RALGPS2: variants seen among roughly 807,000 people sequenced by gnomAD.
RALGPS2 encodes the protein ras-specific guanine nucleotide-releasing factor RalGPS2.
In RALGPS2, 43 loss-of-function variants were observed where a neutral mutation model predicts 86.8. The observed-to-expected ratio is 0.50, with a 90% confidence interval of 0.39 to 0.64. The LOEUF is 0.64. RALGPS2 is among the 30% of genes least tolerant of loss of function. The pLI, the probability that RALGPS2 is intolerant of heterozygous loss-of-function variation, is 0.00. For missense variants in RALGPS2, 536 were observed against 694.6 expected (o/e 0.77, Z 2.57); for synonymous variants, 243 against 231.3 (o/e 1.05, Z -0.46).
rs915706792 is a variant in RALGPS2, at chr1:178,920,628, C to T, written c.*4269C>T. ...GTAGGAGATTAAAAATAAACCCACC[C>T]CAGTCAACCTTTAGATAAGCACTCT... is the stretch of plus-strand genomic sequence containing the variant. On this transcript the variant is annotated 3_prime_UTR_variant, in exon 20 of 20. Coordinates refer to ENST00000367635, the MANE Select transcript of RALGPS2 (RefSeq NM_152663.5). 1 of 151,942 alleles carries T rather than the reference C, an allele frequency of 6.6e-6. No homozygotes were observed. Among genetic ancestry groups the T allele is most frequent in the Non-Finnish European group, 1.5e-5 (1 of 67,912 alleles). 9.4% of individuals were successfully genotyped at this position (151,942 alleles called of 1,614,324 possible).
At chr1:178,764,957 G>A (rs1652423021) in intron 1 of RALGPS2, among the ~76,000 whole-genome samples, 1 of 151,930 alleles carries the variant, frequency 6.6e-6, no homozygotes, top group Non-Finnish European at 1.5e-5. Context: ...TCTGGTTGTT[G>A]GACAGTGTGT....
chr1:178,785,911 G>C (rs189909106), intron 4 of RALGPS2, among the ~76,000 whole-genome samples: 37 of 152,114 alleles, frequency 2.4e-4, no homozygotes, highest in Admixed American at 1.5e-3. Context: ...CAAATAGCCT[G>C]ATGTTGACCA....
intron 8 of RALGPS2, among the ~76,000 whole-genome samples, chr1:178,867,084 A>G (rs867559510): frequency 2.6e-5 from 4 of 152,110 alleles, no homozygotes; most frequent in Admixed American, 6.6e-5. Flanking sequence ...TTTCTGTCCA[A>G]ATTTCCACAT....
intron 19 of RALGPS2, among the ~76,000 whole-genome samples, chr1:178,915,259 G>T (rs770935302): frequency 2.0e-5 from 3 of 152,040 alleles, no homozygotes; most frequent in South Asian, 2.1e-4. Flanking sequence ...TTGAGACAGG[G>T]TTTCACTCTT....
At chr1:178,772,177 G>T (rs1652842269) in intron 1 of RALGPS2, among the ~76,000 whole-genome samples, 1 of 152,138 alleles carries the variant, frequency 6.6e-6, no homozygotes, top group Non-Finnish European at 1.5e-5. Context: ...ACCTATTTCT[G>T]ATTCACTTGG....
chr1:178,918,308 A>T lies in RALGPS2; in HGVS notation c.*1949A>T, dbSNP rs922412365. The T allele has an allele frequency of 6.6e-6, 1 of 152,056 alleles. No individual in the cohort carries two copies. The highest frequency in any genetic ancestry group is 1.5e-5 in the Non-Finnish European group (1 of 67,978). The allele number at this position is 152,056 out of a possible 1,614,324, so 9.4% of individuals were successfully genotyped here. A position where few individuals can be genotyped will look rare whatever the true frequency, so the allele number is the denominator to read the frequency against. On this transcript the variant is annotated 3_prime_UTR_variant, in exon 20 of 20. Coordinates refer to ENST00000367635, the MANE Select transcript of RALGPS2 (RefSeq NM_152663.5). ...TGTTTTGCATTTTTAAAAATTTCTTAATTTGTTTATTTCTCTTCAGAAATA... is the reference window on the plus strand; with the variant it reads ...TGTTTTGCATTTTTAAAAATTTCTTTATTTGTTTATTTCTCTTCAGAAATA...
chr1:178,873,337 AT>A (rs1261667211), intron 8 of RALGPS2, among the ~76,000 whole-genome samples: 1 of 152,212 alleles, frequency 6.6e-6, no homozygotes, highest in Admixed American at 6.5e-5. Context: ...GAACAGAAAC[AT>A]TTATTACATA....
At chr1:178,747,783 A>C (rs1160244179) in intron 1 of RALGPS2, 36 of 775,946 alleles carry the variant, frequency 4.6e-5, no homozygotes, top group Non-Finnish European at 7.8e-5. Flanking sequence ...GTGCGAGCAG[A>C]GCCTGTGCCA....
chr1:178,786,954 C>T (rs1312761698), intron 4 of RALGPS2, among the ~76,000 whole-genome samples: 4 of 151,862 alleles, frequency 2.6e-5, no homozygotes, highest in Admixed American at 6.6e-5. Context: ...CCGAAATGAT[C>T]GTCAGTTCCC....
chr1:178,750,762 G>A (rs886211933), intron 1 of RALGPS2, among the ~76,000 whole-genome samples: 3 of 152,108 alleles, frequency 2.0e-5, no homozygotes, highest in African/African-American at 2.4e-5. Context: ...TCAAATGTCC[G>A]CATATGTTAC....
At position 178,883,492 on chromosome 1, in the gene RALGPS2, C is replaced by T; in HGVS notation, c.863C>T (p.Thr288Ile). ...CTTTCATTAAAGATAGAACCAGGGA[C>T]AAGCACCCCACGTTCTGCTGCTTCC... Reference protein sequence around the residue: ...YKLSLKIEPGTSTPRSAASRE... With the variant: ...YKLSLKIEPGISTPRSAASRE... Residue 288 changes from threonine (T) to isoleucine (I), a missense_variant, in exon 11 of 20, where the codon ACA (threonine) becomes ATA (isoleucine). Thr to Ile is a moderately conservative substitution (Grantham distance 89). This residue lies in a region of RALGPS2 where 309 missense variants were observed against 363.0 expected (regional missense o/e 0.85). Coordinates refer to ENST00000367635, the MANE Select transcript of RALGPS2 (RefSeq NM_152663.5). The T allele has an allele frequency of 6.2e-7, 1 of 1,613,282 alleles. No individual in the cohort carries two copies. Among genetic ancestry groups the T allele is most frequent in the Non-Finnish European group, 8.5e-7 (1 of 1,179,310 alleles).
Position 178,916,267 on chromosome 1 carries a change from G to A in RALGPS2, c.1723-63G>A. The A allele has an allele frequency of 5.2e-6, 7 of 1,348,412 alleles. No homozygotes were observed. In the South Asian group the frequency reaches 6.2e-5, roughly 12 times the overall value. The allele number at this position is 1,348,412 out of a possible 1,614,324, so 83.5% of individuals were successfully genotyped here. A position where few individuals can be genotyped will look rare whatever the true frequency, so the allele number is the denominator to read the frequency against. The stretch of plus-strand genomic sequence containing the variant: ...TGGGCTTGCCTAAATAACAAGGAAA[G>A]ATAAGAAATACTCCTTTGAAAAACA... On this transcript the variant is annotated intron_variant, in intron 19 of 19. Transcript: ENST00000367635.
chr1:178,894,899 G>A (rs1021341075), intron 16 of RALGPS2, among the ~76,000 whole-genome samples: 28 of 151,928 alleles, frequency 1.8e-4, no homozygotes, highest in Admixed American at 1.3e-4. Context: ...TCATGAAGAA[G>A]TATTTTAGTA....
chr1:178,854,036 C>T (rs906834793), intron 8 of RALGPS2, among the ~76,000 whole-genome samples: 4 of 151,924 alleles, frequency 2.6e-5, no homozygotes, highest in East Asian at 1.9e-4. Flanking sequence ...AATCCTAATA[C>T]ATGTAGAAAA....
At chr1:178,912,317 C>T (rs1363015468) in intron 19 of RALGPS2, among the ~76,000 whole-genome samples, 1 of 152,110 alleles carries the variant, frequency 6.6e-6, no homozygotes, top group Non-Finnish European at 1.5e-5. Flanking sequence ...TTTGTGGTGG[C>T]AGTTATTTTT....
chr1:178,885,882 T>C (rs1659459386), intron 12 of RALGPS2, 87 bp from the exon 13 acceptor site: 3 of 1,168,958 alleles, frequency 2.6e-6, no homozygotes, highest in Non-Finnish European at 2.4e-6. Flanking sequence ...GTTAGGTAAA[T>C]CTTTTATGTC....
chr1:178,788,330 A>G (rs932762071), intron 4 of RALGPS2, among the ~76,000 whole-genome samples: 1 of 152,182 alleles, frequency 6.6e-6, no homozygotes, highest in African/African-American at 2.4e-5. Context: ...TAAAACATCT[A>G]GTTTAGTTGC....
In RALGPS2 at chr1:178,917,559, A is replaced by G. The variant is rs952486148; in HGVS notation, c.*1200A>G. On this transcript the variant is annotated 3_prime_UTR_variant, in exon 20 of 20. Coordinates refer to ENST00000367635, the MANE Select transcript of RALGPS2 (RefSeq NM_152663.5). Reference sequence around the variant, plus strand: ...GAAATTTTAAGTATCTAAACTTTATACTTGTATGATTTACCATAAACATAC... The same window carrying G: ...GAAATTTTAAGTATCTAAACTTTATGCTTGTATGATTTACCATAAACATAC... 2.0e-5 allele frequency: 3 copies of G among 152,164 alleles called. No homozygotes were observed. Among genetic ancestry groups the G allele is most frequent in the Admixed American group, 6.5e-5 (1 of 15,274 alleles). The allele number at this position is 152,164 out of a possible 1,614,324, so 9.4% of individuals were successfully genotyped here. A position where few individuals can be genotyped will look rare whatever the true frequency, so the allele number is the denominator to read the frequency against.
At chr1:178,787,514 G>A (rs1432666897) in intron 4 of RALGPS2, among the ~76,000 whole-genome samples, 1 of 152,136 alleles carries the variant, frequency 6.6e-6, no homozygotes, top group Non-Finnish European at 1.5e-5. Flanking sequence ...AACAATTGCA[G>A]TACATCTTTA....
Sources: gnomAD v4.1 joint callset for allele counts (sites outside exome capture counted in the v4.1 genomes callset) on GRCh38, gnomAD v4.1.1 for gene constraint, gnomAD v4.1.1 regional missense constraint, MANE v1.5 for transcripts, NCBI Gene and HGNC (gene_info 2026-07-23, HGNC 2026-07-21) for gene names.